The following MAGI2 variants were observed in gnomAD, a reference collection of about 807,000 sequenced individuals.
The protein encoded by MAGI2 is membrane-associated guanylate kinase, WW and PDZ domain-containing protein 2.
MAGI2 carries 35 observed loss-of-function variants against 133.3 expected under a neutral mutation model. That is an observed-to-expected ratio of 0.26 (90% CI 0.20 to 0.35). MAGI2 has a LOEUF of 0.35. Ranked by LOEUF, MAGI2 falls within the 10% of genes least tolerant of loss-of-function variation. MAGI2 has a pLI of 1.00. For synonymous variants in MAGI2, 729 were observed against 710.6 expected, an observed-to-expected ratio of 1.03 and a Z score of -0.41; for missense variants, 1,636 against 1,863.4, an observed-to-expected ratio of 0.88 and a Z score of 2.25.
intron 1 of MAGI2, among the ~76,000 whole-genome samples, chr7:79,281,048 G>C (rs1835604659): frequency 6.7e-6 from 1 of 150,210 alleles, no homozygotes; most frequent in Admixed American, 6.7e-5. Flanking sequence ...TGTCTGTCTA[G>C]AGAGTCACTT....
intron 2 of MAGI2, among the ~76,000 whole-genome samples, chr7:78,885,430 T>G (rs1228844068): frequency 6.6e-6 from 1 of 152,322 alleles, no homozygotes; most frequent in East Asian, 1.9e-4. Context: ...GATGATCCTT[T>G]CAATGTGTCT....
chr7:78,458,469 T>C (rs1789582864), intron 6 of MAGI2, among the ~76,000 whole-genome samples: 1 of 152,100 alleles, frequency 6.6e-6, no homozygotes, highest in Non-Finnish European at 1.5e-5. Context: ...AGTTTATGTA[T>C]TTGTTTTGAT....
At chr7:78,645,530 T>C (rs1810782134) in intron 2 of MAGI2, among the ~76,000 whole-genome samples, 2 of 152,110 alleles carry the variant, frequency 1.3e-5, no homozygotes, top group East Asian at 3.9e-4. Context: ...TAATTCACCA[T>C]ATCAACAAAC....
intron 2 of MAGI2, among the ~76,000 whole-genome samples, chr7:78,968,904 T>C (rs550788311): frequency 1.8e-3 from 274 of 152,198 alleles, no homozygotes; most frequent in African/African-American, 6.1e-3. Context: ...TATTTTGCAG[T>C]TAGAAAGAGT....
chr7:79,290,583 CT>C (rs1486475247), intron 1 of MAGI2, among the ~76,000 whole-genome samples: 3 of 151,700 alleles, frequency 2.0e-5, no homozygotes, highest in Non-Finnish European at 4.4e-5. Flanking sequence ...TTTTTTCTGG[CT>C]TAATGAATGA....
intron 20 of MAGI2, among the ~76,000 whole-genome samples, chr7:78,093,508 A>G (rs1315705759): frequency 1.3e-5 from 2 of 152,162 alleles, no homozygotes; most frequent in African/African-American, 4.8e-5. Context: ...CACCAACCTA[A>G]CATATGTAGA....
At chr7:79,393,515 A>G (rs915500233) in intron 1 of MAGI2, among the ~76,000 whole-genome samples, 1 of 152,120 alleles carries the variant, frequency 6.6e-6, no homozygotes, top group Non-Finnish European at 1.5e-5. Flanking sequence ...TAAGTTTTAT[A>G]AAAAAATTAA....
intron 2 of MAGI2, among the ~76,000 whole-genome samples, chr7:78,772,460 G>A (rs1825670633): frequency 6.6e-6 from 1 of 152,172 alleles, no homozygotes; most frequent in African/African-American, 2.4e-5. Flanking sequence ...GAGGAAAATA[G>A]AGGAAGAGCT....
intron 2 of MAGI2, among the ~76,000 whole-genome samples, chr7:78,838,624 T>C (rs992628058): frequency 4.6e-5 from 7 of 152,112 alleles, no homozygotes; most frequent in African/African-American, 1.7e-4. Context: ...TCACTGTCTA[T>C]ATTTGTATGT....
chr7:78,039,823 C>T (rs943820686), intron 21 of MAGI2, among the ~76,000 whole-genome samples: 1 of 152,134 alleles, frequency 6.6e-6, no homozygotes, highest in Non-Finnish European at 1.5e-5. Context: ...CAAAGGTGCT[C>T]GAAACAAAGC....
At chr7:79,205,729 G>A (rs1828991757) in intron 1 of MAGI2, among the ~76,000 whole-genome samples, 1 of 150,866 alleles carries the variant, frequency 6.6e-6, no homozygotes, top group African/African-American at 2.5e-5. Context: ...AAAATTTGGT[G>A]GCAAGAGTGG....
intron 1 of MAGI2, among the ~76,000 whole-genome samples, chr7:79,290,268 A>G (rs1413968473): frequency 2.0e-5 from 3 of 152,010 alleles, no homozygotes; most frequent in Non-Finnish European, 4.4e-5. Context: ...GTAACATATC[A>G]AAAGCTAAAC....
chr7:79,082,755 T>TTTA (rs1816152204), intron 1 of MAGI2, among the ~76,000 whole-genome samples: 1 of 151,972 alleles, frequency 6.6e-6, no homozygotes, highest in Non-Finnish European at 1.5e-5. Flanking sequence ...CTGTTGAGAT[T>TTTA]TTGATAGTGA....
chr7:78,827,873 C>T (rs1246561671), intron 2 of MAGI2, among the ~76,000 whole-genome samples: 1 of 151,908 alleles, frequency 6.6e-6, no homozygotes, highest in Non-Finnish European at 1.5e-5. Flanking sequence ...TGAAGCACAG[C>T]TCCCCACCTC....
intron 9 of MAGI2, among the ~76,000 whole-genome samples, chr7:78,343,336 C>A (rs1790583812): frequency 6.6e-6 from 1 of 151,970 alleles, no homozygotes; most frequent in Admixed American, 6.6e-5. Context: ...CAGACCTAGT[C>A]CAGTTTAAAG....
chr7:78,057,977 G>GTGTATA lies in MAGI2; in HGVS notation c.3706+20969_3706+20970insTATACA, dbSNP rs762943472. 1.0e-4 allele frequency among the ~76,000 whole-genome samples: 11 copies of GTGTATA among 106,610 alleles called. No individual in the cohort carries two copies. The South Asian group carries it at 1.6e-3, about 16-fold the overall frequency. 69.9% of individuals were successfully genotyped at this position (106,610 alleles called of 152,430 possible). ...CCCCTCTGGCATTTTATATATATGT[G>GTGTATA]TATATATATATATATATATATATAT... is the stretch of plus-strand genomic sequence containing the variant. On this transcript the variant is annotated intron_variant, in intron 21 of 21. Coordinates refer to ENST00000354212, the MANE Select transcript of MAGI2 (RefSeq NM_012301.4).
chr7:79,438,855 C>CA (rs1457306548), intron 1 of MAGI2, among the ~76,000 whole-genome samples: 2 of 151,984 alleles, frequency 1.3e-5, no homozygotes, highest in Non-Finnish European at 2.9e-5. Flanking sequence ...TGAAATAAAA[C>CA]AAAAAACAGA....
intron 2 of MAGI2, among the ~76,000 whole-genome samples, chr7:78,918,212 C>T (rs1398212924): frequency 6.6e-6 from 1 of 152,152 alleles, no homozygotes; most frequent in Non-Finnish European, 1.5e-5. Flanking sequence ...AGCTCTGTGA[C>T]AGGAACCAGG....
In MAGI2 at chr7:78,900,430, C is replaced by T. The variant is rs552510780; in HGVS notation, c.418+106660G>A. Among the ~76,000 whole-genome samples, 15 of 152,286 alleles carry T rather than the reference C, an allele frequency of 9.8e-5. No homozygotes were observed. The South Asian group carries it at 2.7e-3, about 27-fold the overall frequency. On this transcript the variant is annotated intron_variant, in intron 2 of 21. Coordinates refer to ENST00000354212, the MANE Select transcript of MAGI2 (RefSeq NM_012301.4). ...AATTCATATGCTTCTATCACTCACT[C>T]CACTCCAGCTTCTCTGACCCCTTTG...
Sources: gnomAD v4.1 joint callset for allele counts (sites outside exome capture counted in the v4.1 genomes callset) on GRCh38, gnomAD v4.1.1 for gene constraint, MANE v1.5 for transcripts, NCBI Gene and HGNC (gene_info 2026-07-23, HGNC 2026-07-21) for gene names.